MYO3B: variants seen among roughly 807,000 people sequenced by gnomAD.
MYO3B encodes the protein myosin IIIB.
Under a neutral mutation model 174.6 loss-of-function variants are expected in MYO3B, and 156 were observed. The observed-to-expected ratio is 0.89, with a 90% CI of 0.78 to 1.02. The LOEUF (loss-of-function observed/expected upper bound fraction) is 1.02. Among genes scored for constraint, MYO3B ranks in the 50% least tolerant of loss-of-function variants. The pLI, the probability that MYO3B is intolerant of heterozygous loss-of-function variation, is 0.00. For synonymous variants in MYO3B, 563 were observed against 569.1 expected (o/e 0.99, Z 0.15); for missense variants, 1,632 against 1,639.4 (o/e 1.00, Z 0.08).
intron 32 of MYO3B, chr2:170,641,494 A>G (rs1697942852): frequency 6.6e-6 from 1 of 151,080 alleles, no homozygotes; most frequent in African/African-American, 2.4e-5. Flanking sequence ...GTCAAACACC[A>G]AACTATGAGT....
chr2:170,556,168 C>G (rs1330307386), intron 32 of MYO3B, among the ~76,000 whole-genome samples: 2 of 151,812 alleles, frequency 1.3e-5, no homozygotes, highest in African/African-American at 4.9e-5. Flanking sequence ...TGAACTCCAG[C>G]CTGGGCAACA....
At chr2:170,614,846 C>T (rs566935640) in intron 32 of MYO3B, among the ~76,000 whole-genome samples, 1 of 152,324 alleles carries the variant, frequency 6.6e-6, no homozygotes, top group African/African-American at 2.4e-5. Context: ...CATGAGCCCT[C>T]CACCTGTTGC....
At chr2:170,451,899 A>C (rs1055351114) in intron 23 of MYO3B, among the ~76,000 whole-genome samples, 6 of 152,254 alleles carry the variant, frequency 3.9e-5, no homozygotes, top group African/African-American at 7.2e-5. Flanking sequence ...CTGGATCCCC[A>C]AAAAGAGGAA....
intron 29 of MYO3B, among the ~76,000 whole-genome samples, chr2:170,518,706 GCA>G (rs1395743236): frequency 6.6e-6 from 1 of 152,182 alleles, no homozygotes; most frequent in Admixed American, 6.5e-5. Flanking sequence ...GACCCTACCT[GCA>G]GAGTCTCTGA....
chr2:170,392,429 G>A lies in MYO3B; in HGVS notation c.1725G>A (p.Lys575=), dbSNP rs1374394475. Residue 575 remains lysine, a synonymous_variant, in exon 16 of 35, where the codon AAG becomes AAA. Coordinates refer to ENST00000408978, the MANE Select transcript of MYO3B (RefSeq NM_138995.5). ...GGGTGATGCACGACATAACTTCCAAGGAGTCTTACAGAAGACAATTCGAAG... is the reference window on the plus strand; with the variant it reads ...GGGTGATGCACGACATAACTTCCAAAGAGTCTTACAGAAGACAATTCGAAG... ...TGRVMHDITS[K]ESYRRQFEAI... is the part of the protein sequence containing the mutation. 6.2e-7 allele frequency: 1 copy of A among 1,601,154 alleles called. No homozygotes were observed. Among genetic ancestry groups the A allele is most frequent in the South Asian group, 1.1e-5 (1 of 88,072 alleles).
chr2:170,460,941 A>T (rs1207769186), intron 23 of MYO3B, among the ~76,000 whole-genome samples: 1 of 152,210 alleles, frequency 6.6e-6, no homozygotes, highest in Non-Finnish European at 1.5e-5. Context: ...ATTAATACAC[A>T]TCAAGGATTT....
At chr2:170,380,036 G>A (rs2094323795) in intron 9 of MYO3B, among the ~76,000 whole-genome samples, 1 of 152,130 alleles carries the variant, frequency 6.6e-6, no homozygotes, top group African/African-American at 2.4e-5. Context: ...CAAAGGGTGG[G>A]GTGTACATCA....
intron 32 of MYO3B, among the ~76,000 whole-genome samples, chr2:170,566,496 A>G (rs969474506): frequency 2.6e-5 from 4 of 152,108 alleles, no homozygotes; most frequent in Non-Finnish European, 5.9e-5. Context: ...TGTCACCTGG[A>G]TTTTTCTGGG....
chr2:170,530,959 C>G (rs976731786), intron 30 of MYO3B, among the ~76,000 whole-genome samples: 2 of 152,190 alleles, frequency 1.3e-5, no homozygotes, highest in Non-Finnish European at 2.9e-5. Flanking sequence ...AATTTCTCTG[C>G]TCTACTGTTC....
At chr2:170,362,042 C>T (rs1041925981) in intron 8 of MYO3B, among the ~76,000 whole-genome samples, 2 of 152,208 alleles carry the variant, frequency 1.3e-5, no homozygotes, top group African/African-American at 2.4e-5. Context: ...TACAGGGTTA[C>T]ATATTGCAGC....
chr2:170,235,256 T>C (rs941729287), intron 6 of MYO3B, among the ~76,000 whole-genome samples: 2 of 152,212 alleles, frequency 1.3e-5, no homozygotes, highest in African/African-American at 4.8e-5. Flanking sequence ...CCTATCGCCA[T>C]TGTGATAGTC....
chr2:170,482,838 T>C (rs1220162044), intron 25 of MYO3B, among the ~76,000 whole-genome samples: 9 of 152,212 alleles, frequency 5.9e-5, no homozygotes, highest in African/African-American at 2.2e-4. Flanking sequence ...TCCAGAATAT[T>C]ATAGGCTAAA....
intron 32 of MYO3B, among the ~76,000 whole-genome samples, chr2:170,612,962 TG>T (rs903973640): frequency 6.6e-6 from 1 of 152,064 alleles, no homozygotes; most frequent in African/African-American, 2.4e-5. Context: ...CCCTGGTAAG[TG>T]GGGAGGCCTA....
chr2:170,539,494 C>A (rs145905603), intron 30 of MYO3B, among the ~76,000 whole-genome samples: 1 of 152,200 alleles, frequency 6.6e-6, no homozygotes, highest in Admixed American at 6.5e-5. Flanking sequence ...TACATTGCCT[C>A]TCTTGTGAAA....
intron 32 of MYO3B, among the ~76,000 whole-genome samples, chr2:170,571,314 G>T (rs192649439): frequency 6.6e-6 from 1 of 152,162 alleles, no homozygotes; most frequent in Non-Finnish European, 1.5e-5. Context: ...CTGTGGAAGC[G>T]CATTTAACAT....
intron 32 of MYO3B, among the ~76,000 whole-genome samples, chr2:170,619,822 C>G (rs577836773): frequency 5.0e-4 from 66 of 132,658 alleles, no homozygotes; most frequent in African/African-American, 1.8e-3. Context: ...TCTCAGCTCA[C>G]TGCAACCTCT....
chr2:170,210,399 C>T (rs2092757749), intron 3 of MYO3B, among the ~76,000 whole-genome samples: 1 of 152,168 alleles, frequency 6.6e-6, no homozygotes, highest in African/African-American at 2.4e-5. Context: ...AAAAACACAT[C>T]TTACTGTTCC....
At chr2:170,532,554 T>C (rs1194056899) in intron 30 of MYO3B, among the ~76,000 whole-genome samples, 1 of 152,204 alleles carries the variant, frequency 6.6e-6, no homozygotes, top group Non-Finnish European at 1.5e-5. Context: ...GGCTCATGCC[T>C]GTAATCCTAG....
At chr2:170,440,153 A>T (rs894655551) in intron 22 of MYO3B, among the ~76,000 whole-genome samples, 1 of 152,194 alleles carries the variant, frequency 6.6e-6, no homozygotes, top group African/African-American at 2.4e-5. Context: ...TTTATCAAAG[A>T]TCATTTGATC....
Sources: gnomAD v4.1 joint callset for allele counts (sites outside exome capture counted in the v4.1 genomes callset) on GRCh38, gnomAD v4.1.1 for gene constraint, MANE v1.5 for transcripts, NCBI Gene and HGNC (gene_info 2026-07-23, HGNC 2026-07-21) for gene names.